Variants in THSD4 observed in about 807,000 individuals in gnomAD.
THSD4 encodes the protein thrombospondin type-1 domain-containing protein 4.
Under a neutral mutation model 119.0 loss-of-function variants are expected in THSD4, and 69 were observed. The ratio of observed to expected loss-of-function variants is 0.58; its 90% CI spans 0.48 to 0.71. The LOEUF (loss-of-function observed/expected upper bound fraction) is 0.71, where lower values mean the gene tolerates loss of function less well. THSD4 is among the 30% of genes least tolerant of loss of function. The pLI, the probability that THSD4 is intolerant of heterozygous loss-of-function variation, is 0.00. For missense variants in THSD4, 1,393 were observed against 1,391.1 expected (o/e 1.00, Z -0.02); for synonymous variants, 524 against 540.4 (o/e 0.97, Z 0.42).
At chr15:71,495,876 C>T (rs1465434444) in intron 7 of THSD4, among the ~76,000 whole-genome samples, 1 of 152,182 alleles carries the variant, frequency 6.6e-6, no homozygotes, top group African/African-American at 2.4e-5. Flanking sequence ...CTCATTTAAG[C>T]CCATGGTAGA....
intron 15 of THSD4, among the ~76,000 whole-genome samples, chr15:71,761,718 G>T (rs1341784210): frequency 1.3e-5 from 2 of 152,086 alleles, no homozygotes; most frequent in Non-Finnish European, 2.9e-5. Context: ...CTTCTTCCTG[G>T]TTCTTTTTTA....
chr15:71,348,083 G>C (rs1408691212), intron 6 of THSD4: 5 of 152,154 alleles, frequency 3.3e-5, no homozygotes, highest in Non-Finnish European at 2.9e-5. Context: ...TGGACATGTA[G>C]TTGCGATAAT....
At chr15:71,472,897 T>C (rs1035051640) in intron 7 of THSD4, among the ~76,000 whole-genome samples, 1 of 152,184 alleles carries the variant, frequency 6.6e-6, no homozygotes. Flanking sequence ...GTGTGAGTTG[T>C]TTTATGTAAC....
intron 7 of THSD4, among the ~76,000 whole-genome samples, chr15:71,461,768 A>G (rs1418436142): frequency 1.3e-5 from 2 of 151,780 alleles, no homozygotes; most frequent in Admixed American, 6.6e-5. Flanking sequence ...TTCCACTATG[A>G]TGAAGACATA....
At chr15:71,670,686 C>T (rs746297451) in intron 8 of THSD4, among the ~76,000 whole-genome samples, 7 of 150,252 alleles carry the variant, frequency 4.7e-5, no homozygotes, top group Non-Finnish European at 7.4e-5. Flanking sequence ...TGATGTTCCC[C>T]ATCCTGTGTC....
At chr15:71,257,265 T>C (rs2044329127) in intron 6 of THSD4, among the ~76,000 whole-genome samples, 1 of 152,176 alleles carries the variant, frequency 6.6e-6, no homozygotes, top group Non-Finnish European at 1.5e-5. Flanking sequence ...TTGATCCCAC[T>C]CTGCATGCTG....
At chr15:71,490,678 A>G (rs1256274343) in intron 7 of THSD4, among the ~76,000 whole-genome samples, 2 of 150,286 alleles carry the variant, frequency 1.3e-5, no homozygotes, top group African/African-American at 4.9e-5. Flanking sequence ...GCAGTGAGCC[A>G]AGGTCGCACC....
intron 7 of THSD4, chr15:71,547,177 T>TC: frequency 7.6e-7 from 1 of 1,317,040 alleles, no homozygotes; most frequent in Non-Finnish European, 9.6e-7. Flanking sequence ...CTGGCTCCTG[T>TC]CCCCTCCCCC....
intron 7 of THSD4, among the ~76,000 whole-genome samples, chr15:71,553,769 T>A (rs2048970801): frequency 2.0e-5 from 3 of 152,214 alleles, no homozygotes; most frequent in South Asian, 4.1e-4. Context: ...TTGTTTGCCT[T>A]TATCAAAATG....
chr15:71,400,772 T>C (rs1053622022), intron 6 of THSD4, among the ~76,000 whole-genome samples: 3 of 152,038 alleles, frequency 2.0e-5, no homozygotes, highest in Non-Finnish European at 4.4e-5. Context: ...CTCCAAGTTT[T>C]ATGAGCTGTG....
In THSD4 at chr15:71,780,775, T is replaced by C. The variant is rs1042601957; in HGVS notation, c.*3401T>C. Reference sequence around the variant, plus strand: ...GGAGGGTTTTTTCTTTATTTTCTTATGTACTCATCTACTTATTCTCAAAGT... The same window carrying C: ...GGAGGGTTTTTTCTTTATTTTCTTACGTACTCATCTACTTATTCTCAAAGT... On this transcript the variant is annotated 3_prime_UTR_variant, in exon 18 of 18. Transcript: ENST00000261862. The C allele has an allele frequency of 1.5e-5, 7 of 455,746 alleles. No homozygotes were observed. The highest frequency in any genetic ancestry group is 8.0e-5 in the African/African-American group (4 of 50,078). The allele number at this position is 455,746 out of a possible 1,614,324, so 28.2% of individuals were successfully genotyped here.
chr15:71,273,394 G>A (rs1447776942), intron 6 of THSD4, among the ~76,000 whole-genome samples: 1 of 152,180 alleles, frequency 6.6e-6, no homozygotes, highest in Non-Finnish European at 1.5e-5. Flanking sequence ...AGGAGGGAGG[G>A]AGTGGGTGGT....
At position 71,165,066 on chromosome 15, in the gene THSD4, G is replaced by A. The variant is rs202132390; in HGVS notation, c.99+10134G>A. 7.2e-4 allele frequency: 1,151 copies of A among 1,606,582 alleles called. 16 individuals are homozygous for A. The East Asian group carries it at 0.022, about 31-fold the overall frequency. On this transcript the variant is annotated intron_variant, in intron 3 of 17. Transcript: ENST00000261862. ...GCAACATCACCAATGGACAGGCCAG[G>A]ATGTTCTCCTTTGATTTTTGGGCGA...
chr15:71,560,973 T>A (rs1034223972), intron 7 of THSD4, among the ~76,000 whole-genome samples: 7,291 of 61,794 alleles, frequency 0.12, 669 homozygotes, highest in African/African-American at 0.22. Flanking sequence ...TCTTTATCTT[T>A]TTTTTTTTTT....
chr15:71,235,637 G>A (rs2044097749), intron 4 of THSD4, among the ~76,000 whole-genome samples: 1 of 145,886 alleles, frequency 6.9e-6, no homozygotes, highest in South Asian at 2.2e-4. Flanking sequence ...GCCCAGGCTG[G>A]CGTGCAGTGG....
chr15:71,498,332 C>T lies in THSD4; in HGVS notation c.1152+86509C>T, dbSNP rs2140721632. Among the ~76,000 whole-genome samples, 3 of 152,266 alleles carry T rather than the reference C, an allele frequency of 2.0e-5. 1 individual carries two copies. The highest frequency in any genetic ancestry group is 4.4e-5 in the Non-Finnish European group (3 of 68,022). ...TTTTAGGGTCCATTGCAAGTTGAAACCCACAAAACCTTCCTGCTGTGTAAA... is the reference window on the plus strand; with the variant it reads ...TTTTAGGGTCCATTGCAAGTTGAAATCCACAAAACCTTCCTGCTGTGTAAA... On this transcript the variant is annotated intron_variant, in intron 7 of 17. Transcript: ENST00000261862.
Position 71,123,942 on chromosome 15 carries a change from ACTCT to A in THSD4, c.-80+8250_-80+8253del, listed in dbSNP as rs1166201079. 3.3e-5 allele frequency among the ~76,000 whole-genome samples: 5 copies of A among 151,826 alleles called. No individual in the cohort carries two copies. The East Asian group carries it at 9.6e-4, about 29-fold the overall frequency. The stretch of plus-strand genomic sequence containing the variant: ...TTGCTGTTGCTTCTCATATGGTCGC[ACTCT>A]CTCTCACATTGCACAGTGGGCTCAC... On this transcript the variant is annotated intron_variant, in intron 1 of 17. Transcript: ENST00000261862.
rs540025939 is a variant in THSD4 at position 71,609,722 on chromosome 15, G to A, written c.1153-50808G>A. On this transcript the variant is annotated intron_variant, in intron 7 of 17. Transcript: ENST00000261862. ...AAAAAATTAGCCGGGCATGGTGGCA[G>A]GCGCCTATAGTCCCAGCTACTCGGG... 2.0e-5 allele frequency among the ~76,000 whole-genome samples: 3 copies of A among 152,086 alleles called. No homozygotes were observed. In the South Asian group the frequency reaches 6.2e-4, roughly 32 times the overall value.
intron 7 of THSD4, among the ~76,000 whole-genome samples, chr15:71,611,316 G>A (rs1266302061): frequency 6.6e-6 from 1 of 152,170 alleles, no homozygotes; most frequent in Non-Finnish European, 1.5e-5. Flanking sequence ...AGGGTCTTGA[G>A]TGTTTCATTG....
Sources: gnomAD v4.1 joint callset for allele counts (sites outside exome capture counted in the v4.1 genomes callset) on GRCh38, gnomAD v4.1.1 for gene constraint, MANE v1.5 for transcripts, NCBI Gene and HGNC (gene_info 2026-07-23, HGNC 2026-07-21) for gene names.